ANKRD33B: variants seen among roughly 807,000 people sequenced by gnomAD.
ANKRD33B encodes ankyrin repeat domain-containing protein 33B.
A neutral mutation model predicts 21.5 loss-of-function variants in ANKRD33B; 6 were observed. The observed-to-expected ratio is 0.28, with a 90% confidence interval of 0.15 to 0.55. The LOEUF (loss-of-function observed/expected upper bound fraction) is 0.55. ANKRD33B is among the 20% of genes least tolerant of loss of function. The probability of loss-of-function intolerance (pLI) is 0.94; values close to 1 mark genes in which losing one functional copy is unlikely to be tolerated. For synonymous variants in ANKRD33B, 347 were observed against 342.4 expected, an observed-to-expected ratio of 1.01 and a Z score of -0.15; for missense variants, 698 against 747.2, an observed-to-expected ratio of 0.93 and a Z score of 0.77.
intron 1 of ANKRD33B, among the ~76,000 whole-genome samples, chr5:10,568,627 G>A (rs980219399): frequency 1.2e-4 from 18 of 152,176 alleles, no homozygotes; most frequent in African/African-American, 4.1e-4. Context: ...CTCCGCCTCC[G>A]GGGTTCAAGT....
At chr5:10,574,854 A>AGGCC (rs1735282212) in intron 1 of ANKRD33B, among the ~76,000 whole-genome samples, 4 of 62,884 alleles carry the variant, frequency 6.4e-5, no homozygotes, top group African/African-American at 1.8e-4. Flanking sequence ...CTGAAGCGGG[A>AGGCC]GAGCTGCTTA....
At chr5:10,630,590 CA>C (rs1736684213) in intron 2 of ANKRD33B, among the ~76,000 whole-genome samples, 1 of 152,270 alleles carries the variant, frequency 6.6e-6, no homozygotes, top group Non-Finnish European at 1.5e-5. Context: ...AAGAGGCATA[CA>C]AAAGAGGCCA....
intron 2 of ANKRD33B, among the ~76,000 whole-genome samples, chr5:10,629,022 G>A (rs1466101445): frequency 1.3e-5 from 2 of 152,144 alleles, no homozygotes; most frequent in Non-Finnish European, 2.9e-5. Context: ...TGGATTGGGA[G>A]GGCATTGGCG....
intron 2 of ANKRD33B, 118 bp from the exon 3 acceptor site, chr5:10,637,910 G>C: frequency 8.4e-7 from 1 of 1,195,506 alleles, no homozygotes. Flanking sequence ...AACTCACACA[G>C]CAGACCGGCT....
intron 1 of ANKRD33B, among the ~76,000 whole-genome samples, chr5:10,599,022 AT>A (rs1175169994): frequency 6.6e-6 from 1 of 152,244 alleles, no homozygotes; most frequent in African/African-American, 2.4e-5. Context: ...GATATAGAGC[AT>A]TTCCATCACC....
intron 1 of ANKRD33B, among the ~76,000 whole-genome samples, chr5:10,594,221 C>CTTTTTT (rs10658307): frequency 4.9e-4 from 41 of 83,158 alleles, no homozygotes; most frequent in African/African-American, 9.2e-4. Context: ...ACACATCCTT[C>CTTTTTT]TTTTTTTTTT....
At chr5:10,587,280 T>C (rs1351927311) in intron 1 of ANKRD33B, among the ~76,000 whole-genome samples, 1 of 152,092 alleles carries the variant, frequency 6.6e-6, no homozygotes, top group East Asian at 1.9e-4. Context: ...TTTGTATTTT[T>C]AGTAATGACG....
intron 1 of ANKRD33B, among the ~76,000 whole-genome samples, chr5:10,615,671 CT>C (rs999973044): frequency 6.6e-6 from 1 of 152,040 alleles, no homozygotes; most frequent in African/African-American, 2.4e-5. Flanking sequence ...ATTTTTGGAT[CT>C]TTTTCTGCAA....
chr5:10,589,149 T>G (rs1735629501), intron 1 of ANKRD33B, among the ~76,000 whole-genome samples: 1 of 152,100 alleles, frequency 6.6e-6, no homozygotes, highest in East Asian at 1.9e-4. Context: ...TTCCTTCAAA[T>G]GAACTAATCC....
In ANKRD33B at chr5:10,619,126, T is replaced by C. The variant is rs1044613569; in HGVS notation, c.496+664T>C. 7.2e-5 allele frequency among the ~76,000 whole-genome samples: 11 copies of C among 152,228 alleles called. No homozygotes were observed. The highest frequency in any genetic ancestry group is 1.2e-4 in the Non-Finnish European group (8 of 68,044). On this transcript the variant is annotated intron_variant, in intron 2 of 3. Coordinates refer to ENST00000296657, the MANE Select transcript of ANKRD33B (RefSeq NM_001164440.2). This position sits in a 1 kb window ranked among gnomAD's most constrained non-coding sequence, Gnocchi z 4.5. The stretch of plus-strand genomic sequence containing the variant: ...CATGAAACCTATGCTTGCCTCTTCA[T>C]AATCACACTTCATTTGGAACAGTGG...
chr5:10,580,172 G>T (rs1735412843), intron 1 of ANKRD33B, among the ~76,000 whole-genome samples: 1 of 152,226 alleles, frequency 6.6e-6, no homozygotes, highest in Admixed American at 6.5e-5. Context: ...CAAGACATAT[G>T]TGGGTTCTAC....
intron 1 of ANKRD33B, among the ~76,000 whole-genome samples, chr5:10,614,889 A>G (rs1164102158): frequency 6.7e-6 from 1 of 149,930 alleles, no homozygotes; most frequent in African/African-American, 2.5e-5. Context: ...TCCATCTCAA[A>G]AAACAAAAAA....
At chr5:10,613,763 G>A (rs1736223801) in intron 1 of ANKRD33B, among the ~76,000 whole-genome samples, 1 of 151,962 alleles carries the variant, frequency 6.6e-6, no homozygotes, top group Non-Finnish European at 1.5e-5. Flanking sequence ...GGCTGGGCAT[G>A]GTGGCATGCG....
chr5:10,648,189 C>A (rs1303748415), intron 3 of ANKRD33B, among the ~76,000 whole-genome samples: 3 of 152,218 alleles, frequency 2.0e-5, no homozygotes, highest in Non-Finnish European at 4.4e-5. Context: ...ATGAATTTTT[C>A]TATCCTGGAA....
intron 3 of ANKRD33B, among the ~76,000 whole-genome samples, chr5:10,646,002 T>C (rs1225799256): frequency 1.3e-5 from 2 of 152,212 alleles, no homozygotes; most frequent in African/African-American, 4.8e-5. Flanking sequence ...TGTTCTCCAA[T>C]GCACAGGACA....
rs1342672898 is a variant in ANKRD33B at position 10,656,711 on chromosome 5, T to G, written c.*6598T>G. 1 of 152,374 alleles carries G rather than the reference T, an allele frequency of 6.6e-6. No homozygotes were observed. The highest frequency in any genetic ancestry group is 1.5e-5 in the Non-Finnish European group (1 of 68,088). The allele number at this position is 152,374 out of a possible 1,614,324, so 9.4% of individuals were successfully genotyped here. On this transcript the variant is annotated 3_prime_UTR_variant, in exon 4 of 4. Coordinates refer to ENST00000296657, the MANE Select transcript of ANKRD33B (RefSeq NM_001164440.2). ...CCCATTTGGCCAGGTCTGGGCCATC[T>G]CTCTGCCTCTGCCCTATCTTGGCTG... is the stretch of plus-strand genomic sequence containing the variant.
In ANKRD33B at chr5:10,564,850, G is replaced by C. The variant is rs1039145352; in HGVS notation, c.366+17G>C. On this transcript the variant is annotated intron_variant, in intron 1 of 3. Transcript: ENST00000296657. Reference sequence around the variant, plus strand: ...AACGGCAGGGTAAGCGGGCGTCCCCGCAGGATTTGAGCCCCCTCACTGCCC... The same window carrying C: ...AACGGCAGGGTAAGCGGGCGTCCCCCCAGGATTTGAGCCCCCTCACTGCCC... 2.7e-6 allele frequency: 4 copies of C among 1,482,134 alleles called. No homozygotes were observed. The highest frequency in any genetic ancestry group is 2.5e-5 in the East Asian group (1 of 40,162). 91.8% of individuals were successfully genotyped at this position (1,482,134 alleles called of 1,614,324 possible).
chr5:10,590,609 T>C (rs146304333), intron 1 of ANKRD33B, among the ~76,000 whole-genome samples: 52 of 99,816 alleles, frequency 5.2e-4, no homozygotes, highest in African/African-American at 1.6e-3. Context: ...CGCGCGCGCG[T>C]GTGTGTGTGT....
chr5:10,576,158 A>G lies in ANKRD33B; in HGVS notation c.366+11325A>G, dbSNP rs1390831288. Among the ~76,000 whole-genome samples the G allele has an allele frequency of 6.6e-6, 1 of 152,194 alleles. No homozygotes were observed. The highest frequency in any genetic ancestry group is 6.5e-5 in the Admixed American group (1 of 15,278). On this transcript the variant is annotated intron_variant, in intron 1 of 3. Coordinates refer to ENST00000296657, the MANE Select transcript of ANKRD33B (RefSeq NM_001164440.2). The surrounding 1 kb of genome is among the most constrained non-coding windows in gnomAD (Gnocchi z 4.1). ...TGGGGCTGTAACTATTTCAAAATAA[A>G]AAGTTGAATGAGCGTGAAAAGCTGC...
Sources: allele counts gnomAD v4.1 joint callset (sites outside exome capture counted in the v4.1 genomes callset), GRCh38; gene constraint gnomAD v4.1.1; non-coding constraint Gnocchi (gnomAD v3.1); transcripts MANE v1.5; gene names NCBI Gene and HGNC (gene_info 2026-07-23, HGNC 2026-07-21).